Variants in TRMT2B observed in about 807,000 individuals in gnomAD.
The protein encoded by TRMT2B is tRNA methyltransferase 2B.
TRMT2B carries 34 observed loss-of-function variants against 39.7 expected under a neutral mutation model. The observed-to-expected ratio is 0.86, with a 90% confidence interval of 0.65 to 1.14. The LOEUF is 1.14. Among genes scored for constraint, TRMT2B ranks in the 50% most tolerant of loss-of-function variants. The probability of loss-of-function intolerance (pLI) is 0.00; values close to 1 mark genes in which losing one functional copy is unlikely to be tolerated. For synonymous variants in TRMT2B, 132 were observed against 137.3 expected (o/e 0.96, Z 0.27); for missense variants, 318 against 377.2 (o/e 0.84, Z 1.30).
At chrX:101,042,486 C>T (rs1341281840) in intron 2 of TRMT2B, among the ~76,000 whole-genome samples, 174 bp from the exon 3 acceptor site, 2 of 112,426 alleles carry the variant, frequency 1.8e-5, no homozygotes, top group Non-Finnish European at 3.7e-5. Flanking sequence ...AGGTATGTTT[C>T]GGTTCCCAAA....
intron 2 of TRMT2B, among the ~76,000 whole-genome samples, chrX:101,048,342 G>C (rs1184498139): frequency 1.8e-5 from 2 of 110,403 alleles, no homozygotes; most frequent in Non-Finnish European, 3.8e-5. Context: ...AGCTGGCCCA[G>C]AGTTCAGGTG....
At chrX:100,994,764 C>A in the TRMT2B span, among the ~76,000 whole-genome samples, 1 of 111,214 alleles carries the variant, frequency 9.0e-6, no homozygotes, top group Non-Finnish European at 1.9e-5. Context: ...TGGGCCATAC[C>A]AGTTGTGTTT....
At chrX:101,049,152 G>T (rs1030394723) in intron 2 of TRMT2B, among the ~76,000 whole-genome samples, 1 of 111,203 alleles carries the variant, frequency 9.0e-6, no homozygotes, top group Admixed American at 9.7e-5. Flanking sequence ...GCCTGCTGGA[G>T]TGTAGTGAGG....
chrX:101,046,735 T>C (rs2148076106), intron 2 of TRMT2B, among the ~76,000 whole-genome samples: 1 of 110,894 alleles, frequency 9.0e-6, no homozygotes, highest in Non-Finnish European at 1.9e-5. Flanking sequence ...AAGACCAACC[T>C]GACCAACATG....
chrX:101,022,855 C>A lies in TRMT2B; in HGVS notation c.756+615G>T, dbSNP rs144134781. Among the ~76,000 whole-genome samples, 866 of 111,225 alleles carry A rather than the reference C, an allele frequency of 7.8e-3. 16 individuals are homozygous for A. Among genetic ancestry groups the A allele is most frequent in the African/African-American group, 0.027 (828 of 30,672 alleles). ...AGAAAGCCTAAGTATTAGCTTGATA[C>A]CAGGATATATTGCAATAAACCATGT... is the stretch of plus-strand genomic sequence containing the variant. On this transcript the variant is annotated intron_variant, in intron 8 of 13. Transcript: ENST00000372936.
intron 7 of TRMT2B, among the ~76,000 whole-genome samples, chrX:101,031,186 G>A (rs1405558662): frequency 9.1e-6 from 1 of 109,931 alleles, no homozygotes; most frequent in African/African-American, 3.3e-5. Context: ...TGTTGTCCAG[G>A]CTGGTCTTGA....
rs956840782 is a variant in TRMT2B, at chrX:101,032,559, C to T, written c.609+3054G>A. ...CCAAGTTCACGCCACTGCACTCCAG[C>T]CTGGGCAACAGAGCGAGACTCCATC... is the stretch of plus-strand genomic sequence containing the variant. On this transcript the variant is annotated intron_variant, in intron 7 of 13. Coordinates refer to ENST00000372936, the MANE Select transcript of TRMT2B (RefSeq NM_024917.6). 5.6e-5 allele frequency among the ~76,000 whole-genome samples: 6 copies of T among 107,826 alleles called. No individual in the cohort carries two copies. In the Admixed American group the frequency reaches 6.2e-4, roughly 11 times the overall value. 93.6% of individuals were successfully genotyped at this position (107,826 alleles called of 115,157 possible).
chrX:101,017,837 C>T (rs1011081188), intron 13 of TRMT2B, among the ~76,000 whole-genome samples: 1 of 112,111 alleles, frequency 8.9e-6, no homozygotes, highest in African/African-American at 3.2e-5. Context: ...CTCACTGAGG[C>T]GGGGTTCAAC....
intron 13 of TRMT2B, among the ~76,000 whole-genome samples, chrX:101,017,876 A>C (rs2086599619): frequency 8.9e-6 from 1 of 111,865 alleles, no homozygotes; most frequent in Non-Finnish European, 1.9e-5. Context: ...CACCTTTCCC[A>C]CCTTTTTAAA....
rs756605541 is a variant in TRMT2B at position 101,010,426 on chromosome X, T to G, written c.*155A>C. On this transcript the variant is annotated 3_prime_UTR_variant, in exon 14 of 14. Transcript: ENST00000372936. ...CTCTATCTCAAAAAAAAAATCTGCCTCAGACCAGAGGCCTAATAGATTCTT... is the reference window on the plus strand; with the variant it reads ...CTCTATCTCAAAAAAAAAATCTGCCGCAGACCAGAGGCCTAATAGATTCTT... The G allele has an allele frequency of 1.1e-5, 7 of 652,611 alleles. No individual in the cohort carries two copies. Among genetic ancestry groups the G allele is most frequent in the Non-Finnish European group, 1.6e-5 (7 of 427,996 alleles). The allele number at this position is 652,611 out of a possible 1,213,427, so 53.8% of individuals were successfully genotyped here.
intron 2 of TRMT2B, chrX:101,043,573 T>C (rs2088396152): frequency 8.9e-6 from 1 of 112,074 alleles, no homozygotes; most frequent in Non-Finnish European, 1.9e-5. Flanking sequence ...CCATCTCAAA[T>C]AACAAACAAA....
At chrX:101,025,484 C>T (rs752020472) in intron 7 of TRMT2B, among the ~76,000 whole-genome samples, 3 of 111,498 alleles carry the variant, frequency 2.7e-5, no homozygotes, top group Non-Finnish European at 5.6e-5. Context: ...TCTGGGTCCA[C>T]TGGGTTCTCA....
chrX:101,035,800 T>C, intron 6 of TRMT2B, 117 bp from the exon 7 acceptor site: 2 of 560,870 alleles, frequency 3.6e-6, no homozygotes, highest in Non-Finnish European at 5.9e-6. Context: ...AAGAAGCAAA[T>C]ACAATCTCAT....
chrX:101,004,350 C>T (rs752576651), downstream of TRMT2B, among the ~76,000 whole-genome samples: 3 of 110,157 alleles, frequency 2.7e-5, no homozygotes, highest in Non-Finnish European at 5.7e-5. Context: ...AAAAAAAAAC[C>T]ATATTTTGGT....
At chrX:101,049,272 T>C (rs1032361641) in intron 2 of TRMT2B, among the ~76,000 whole-genome samples, 1 of 109,650 alleles carries the variant, frequency 9.1e-6, no homozygotes, top group Non-Finnish European at 1.9e-5. Flanking sequence ...GGCAGGAGGA[T>C]TGCTTAAGGC....
At chrX:101,038,116 C>G in intron 4 of TRMT2B, 65 bp from the exon 5 acceptor site, 1 of 1,093,922 alleles carries the variant, frequency 9.1e-7, no homozygotes, top group Non-Finnish European at 1.2e-6. Flanking sequence ...GCCTGTAATC[C>G]CAGCACTTTG....
At chrX:101,035,512 T>G in intron 7 of TRMT2B, 101 bp downstream of exon 7, 1 of 719,173 alleles carries the variant, frequency 1.4e-6, no homozygotes, top group Non-Finnish European at 2.2e-6. Context: ...CCTCCTTCCC[T>G]CTAGCACTAG....
chrX:100,988,134 A>G, the TRMT2B span: 167 of 952,568 alleles, frequency 1.8e-4, no homozygotes, highest in Non-Finnish European at 2.4e-4. Context: ...GCTGCATTAG[A>G]TAAAGAAGCT....
Position 101,018,929 on chromosome X carries a change from G to A in TRMT2B, c.1388+42C>T, listed in dbSNP as rs201488790. On this transcript the variant is annotated intron_variant, in intron 13 of 13. Transcript: ENST00000372936. The stretch of plus-strand genomic sequence containing the variant: ...GTGTACAATAAGCATGAATGGCTTT[G>A]ATAATCAGAACAAAAAATTTTAAAC... The A allele has an allele frequency of 6.0e-5, 55 of 909,396 alleles. No individual in the cohort carries two copies. The African/African-American group carries it at 7.9e-4, about 13-fold the overall frequency. The allele number at this position is 909,396 out of a possible 1,213,427, so 74.9% of individuals were successfully genotyped here. A position where few individuals can be genotyped will look rare whatever the true frequency, so the allele number is the denominator to read the frequency against.
Sources: allele counts gnomAD v4.1 joint callset (sites outside exome capture counted in the v4.1 genomes callset), GRCh38; gene constraint gnomAD v4.1.1; transcripts MANE v1.5; gene names NCBI Gene and HGNC (gene_info 2026-07-23, HGNC 2026-07-21).